The following CBX1 variants were observed in gnomAD, a reference collection of about 807,000 sequenced individuals.
The protein encoded by CBX1 is chromobox 1, also known as chromobox protein homolog 1.
Under a neutral mutation model 25.1 loss-of-function variants are expected in CBX1, and 10 were observed. The observed-to-expected ratio is 0.40, with a 90% CI of 0.25 to 0.68. The LOEUF (loss-of-function observed/expected upper bound fraction) is 0.68, where lower values mean the gene tolerates loss of function less well. Ranked by LOEUF, CBX1 falls within the 30% of genes least tolerant of loss-of-function variation. The pLI, the probability that CBX1 is intolerant of heterozygous loss-of-function variation, is 0.40. For missense variants in CBX1, 106 were observed against 218.5 expected, an observed-to-expected ratio of 0.49 and a Z score of 3.25; for synonymous variants, 63 against 79.4, an observed-to-expected ratio of 0.79 and a Z score of 1.10.
intron 1 of CBX1, chr17:48,100,843 G>C (rs983676858): frequency 2.0e-6 from 2 of 985,710 alleles, no homozygotes; most frequent in Non-Finnish European, 2.4e-6. Flanking sequence ...GTCCCAGCCG[G>C]ACCCGGCGTC....
At chr17:48,073,076 C>A (rs1042683660) in intron 4 of CBX1, among the ~76,000 whole-genome samples, 1 of 151,888 alleles carries the variant, frequency 6.6e-6, no homozygotes, top group Non-Finnish European at 1.5e-5. Context: ...GAACAGAGAT[C>A]GCCTCACTGC....
chr17:48,099,206 G>T (rs191027008), intron 1 of CBX1, among the ~76,000 whole-genome samples: 1 of 152,084 alleles, frequency 6.6e-6, no homozygotes, highest in African/African-American at 2.4e-5. Flanking sequence ...GGGTTCAAGC[G>T]ATTCTCCTGC....
intron 4 of CBX1, among the ~76,000 whole-genome samples, chr17:48,072,475 T>C (rs1241155924): frequency 6.6e-6 from 1 of 152,166 alleles, no homozygotes; most frequent in African/African-American, 2.4e-5. Context: ...GAGGGAGCTG[T>C]AGTTTTCTGA....
chr17:48,101,222 GC>G, intron 1 of CBX1, 45 bp downstream of exon 1: 1 of 990,216 alleles, frequency 1.0e-6, no homozygotes, highest in Non-Finnish European at 1.2e-6. Flanking sequence ...CGCCGCCGCC[GC>G]CGCGCCCCCT....
chr17:48,092,112 T>C (rs996185460), intron 1 of CBX1, among the ~76,000 whole-genome samples: 11 of 139,232 alleles, frequency 7.9e-5, no homozygotes, highest in African/African-American at 3.0e-4. Flanking sequence ...TGCCTCAACC[T>C]CCCGAGTGGC....
chr17:48,091,738 T>C (rs958037938), intron 1 of CBX1, among the ~76,000 whole-genome samples: 1 of 151,478 alleles, frequency 6.6e-6, no homozygotes, highest in South Asian at 2.1e-4. Context: ...AGACGGGGTT[T>C]TACCATGTTG....
chr17:48,085,433 C>T (rs1339154090), intron 1 of CBX1, among the ~76,000 whole-genome samples: 1 of 152,126 alleles, frequency 6.6e-6, no homozygotes, highest in African/African-American at 2.4e-5. Context: ...TAACATCCCT[C>T]CAGCCTGTAT....
At chr17:48,084,730 G>A (rs1056834311) in intron 1 of CBX1, among the ~76,000 whole-genome samples, 18 of 149,530 alleles carry the variant, frequency 1.2e-4, no homozygotes, top group Admixed American at 1.1e-3. Flanking sequence ...CTAACATGGT[G>A]AAACCCCGTC....
At chr17:48,096,270 T>G in intron 1 of CBX1, 13 of 722,264 alleles carry the variant, frequency 1.8e-5, no homozygotes, top group Non-Finnish European at 2.0e-5. Context: ...GAATTTTATC[T>G]GAGATGTGTT....
intron 1 of CBX1, among the ~76,000 whole-genome samples, chr17:48,084,632 C>T (rs1264375074): frequency 6.7e-6 from 1 of 149,504 alleles, no homozygotes; most frequent in Non-Finnish European, 1.5e-5. Context: ...TACTCCCGGC[C>T]GGGCATGGTG....
intron 3 of CBX1, 52 bp from the exon 4 acceptor site, chr17:48,075,152 A>C (rs2037662374): frequency 8.6e-7 from 1 of 1,160,856 alleles, no homozygotes; most frequent in East Asian, 2.3e-5. Flanking sequence ...ACTATTATCC[A>C]GACTGGAACC....
At chr17:48,071,647 AG>A in intron 4 of CBX1, 68 bp from the exon 5 acceptor site, 1 of 1,349,552 alleles carries the variant, frequency 7.4e-7, no homozygotes, top group Non-Finnish European at 1.0e-6. Context: ...TGGATAACCC[AG>A]GGGACAGTGC....
intron 1 of CBX1, among the ~76,000 whole-genome samples, chr17:48,094,790 A>G (rs1479059876): frequency 3.3e-5 from 5 of 150,730 alleles, no homozygotes; most frequent in Non-Finnish European, 1.5e-5. Context: ...GCTCACACCT[A>G]TAAATCAGTA....
chr17:48,091,005 C>G (rs2063341233), intron 1 of CBX1, among the ~76,000 whole-genome samples: 1 of 152,206 alleles, frequency 6.6e-6, no homozygotes, highest in African/African-American at 2.4e-5. Context: ...GAAAATATTA[C>G]TGATAAATGT....
intron 4 of CBX1, among the ~76,000 whole-genome samples, chr17:48,073,132 A>AC (rs2037641149): frequency 6.6e-6 from 1 of 151,888 alleles, no homozygotes. Context: ...ATTTAAAAAA[A>AC]AAACAAACTC....
intron 1 of CBX1, among the ~76,000 whole-genome samples, chr17:48,098,985 G>C (rs1197091150): frequency 6.6e-6 from 1 of 152,238 alleles, no homozygotes; most frequent in Non-Finnish European, 1.5e-5. Context: ...GGTATAGTTT[G>C]TAAGTTATAG....
At chr17:48,077,467 T>TTTC (rs1555577820) in intron 1 of CBX1, among the ~76,000 whole-genome samples, 1 of 148,396 alleles carries the variant, frequency 6.7e-6, no homozygotes, top group Admixed American at 6.7e-5. Context: ...TTTTTTTTTT[T>TTTC]AGTAGAGACG....
chr17:48,095,082 T>C (rs1439580970), intron 1 of CBX1, among the ~76,000 whole-genome samples: 4 of 151,848 alleles, frequency 2.6e-5, no homozygotes, highest in Non-Finnish European at 5.9e-5. Flanking sequence ...AGTAGTGTGC[T>C]CCTGTACAGG....
intron 4 of CBX1, among the ~76,000 whole-genome samples, chr17:48,073,193 A>G (rs2037642158): frequency 6.6e-6 from 1 of 152,098 alleles, no homozygotes; most frequent in East Asian, 1.9e-4. Flanking sequence ...AGCGTAAAGC[A>G]AGCAGGAGAC....
Sources: gnomAD v4.1 joint callset for allele counts (sites outside exome capture counted in the v4.1 genomes callset) on GRCh38, gnomAD v4.1.1 for gene constraint, MANE v1.5 for transcripts, NCBI Gene and HGNC (gene_info 2026-07-23, HGNC 2026-07-21) for gene names.